Variants in AUTS2 observed in about 807,000 individuals in gnomAD.
AUTS2 encodes the protein activator of transcription and developmental regulator AUTS2.
In AUTS2, 17 loss-of-function variants were observed where a neutral mutation model predicts 112.4. The observed-to-expected ratio is 0.15, with a 90% CI of 0.10 to 0.23. The LOEUF is 0.23. Among genes scored for constraint, AUTS2 ranks in the 10% least tolerant of loss-of-function variants. AUTS2 has a pLI of 1.00. For missense variants in AUTS2, 1,510 were observed against 1,701.6 expected, an observed-to-expected ratio of 0.89 and a Z score of 1.98; for synonymous variants, 751 against 702.7, an observed-to-expected ratio of 1.07 and a Z score of -1.09.
intron 6 of AUTS2, among the ~76,000 whole-genome samples, chr7:70,737,047 G>A (rs560186978): frequency 5.9e-5 from 9 of 152,260 alleles, no homozygotes; most frequent in East Asian, 1.9e-4. Flanking sequence ...TGACTAAAAC[G>A]TTACTCATAA....
intron 2 of AUTS2, among the ~76,000 whole-genome samples, chr7:70,063,268 T>G (rs183386643): frequency 3.8e-4 from 58 of 152,116 alleles, no homozygotes; most frequent in Admixed American, 3.5e-3. Context: ...TTTGTTTTTT[T>G]TTTTTTCCTT....
At chr7:70,670,867 C>T (rs537118029) in intron 5 of AUTS2, among the ~76,000 whole-genome samples, 3 of 152,288 alleles carry the variant, frequency 2.0e-5, no homozygotes, top group African/African-American at 4.8e-5. Flanking sequence ...CCTGAAGGGG[C>T]CTTGGTAGGG....
chr7:70,549,312 T>C (rs1358873358), intron 5 of AUTS2, among the ~76,000 whole-genome samples: 2 of 152,204 alleles, frequency 1.3e-5, no homozygotes, highest in African/African-American at 4.8e-5. Context: ...CATCTTGGAA[T>C]AGAGACAGTT....
intron 5 of AUTS2, among the ~76,000 whole-genome samples, chr7:70,690,086 C>T (rs1428187442): frequency 6.6e-6 from 1 of 152,200 alleles, no homozygotes; most frequent in East Asian, 1.9e-4. Context: ...AGAGGTGTGG[C>T]TCCTGTTATC....
chr7:69,988,584 T>G (rs114676983), intron 2 of AUTS2, among the ~76,000 whole-genome samples: 54,386 of 151,706 alleles, frequency 0.36, 10,243 homozygotes, highest in African/African-American at 0.48. Context: ...TGCATTGCTT[T>G]TTTTTGTGGT....
chr7:70,296,381 A>G (rs1302530243), intron 4 of AUTS2, among the ~76,000 whole-genome samples: 1 of 152,224 alleles, frequency 6.6e-6, no homozygotes, highest in African/African-American at 2.4e-5. Flanking sequence ...ATCTGTTTTT[A>G]AAATTTGGAA....
intron 5 of AUTS2, among the ~76,000 whole-genome samples, chr7:70,525,708 G>A (rs192818986): frequency 6.6e-6 from 1 of 152,286 alleles, no homozygotes; most frequent in Non-Finnish European, 1.5e-5. Flanking sequence ...ACTGAGCATT[G>A]GAAAAGGGAT....
At chr7:70,235,346 C>T (rs890191464) in intron 4 of AUTS2, among the ~76,000 whole-genome samples, 3 of 151,914 alleles carry the variant, frequency 2.0e-5, no homozygotes, top group Admixed American at 6.6e-5. Context: ...CTATATTGCC[C>T]AGGCTGGTCT....
chr7:70,071,356 A>G (rs1562662421), intron 2 of AUTS2, among the ~76,000 whole-genome samples: 1 of 152,156 alleles, frequency 6.6e-6, no homozygotes, highest in Admixed American at 6.5e-5. Context: ...CTGCATCCCA[A>G]CAGACAGCAC....
At chr7:70,320,493 C>T (rs893257146) in intron 4 of AUTS2, among the ~76,000 whole-genome samples, 3 of 152,168 alleles carry the variant, frequency 2.0e-5, no homozygotes, top group African/African-American at 7.2e-5. Context: ...AAGCAGGCAG[C>T]TCATTTGAAG....
At chr7:70,071,729 A>G (rs1474268431) in intron 2 of AUTS2, among the ~76,000 whole-genome samples, 1 of 152,178 alleles carries the variant, frequency 6.6e-6, no homozygotes, top group African/African-American at 2.4e-5. Flanking sequence ...ATTCAGACAC[A>G]TTGCAATTCT....
chr7:70,035,654 A>T (rs1443095074), intron 2 of AUTS2, among the ~76,000 whole-genome samples: 3 of 152,200 alleles, frequency 2.0e-5, no homozygotes, highest in African/African-American at 7.2e-5. Flanking sequence ...ACCTTAGGTC[A>T]CTGGTGCGTG....
At chr7:70,087,299 AT>A (rs1029211339) in intron 2 of AUTS2, among the ~76,000 whole-genome samples, 1 of 151,008 alleles carries the variant, frequency 6.6e-6, no homozygotes, top group African/African-American at 2.4e-5. Context: ...AACATGATAT[AT>A]TTTTATAAAA....
chr7:69,644,655 A>T (rs1794945599), intron 1 of AUTS2, among the ~76,000 whole-genome samples: 1 of 152,176 alleles, frequency 6.6e-6, no homozygotes. Context: ...TGTAATATTA[A>T]CATATATCTA....
intron 4 of AUTS2, among the ~76,000 whole-genome samples, chr7:70,351,615 T>C (rs1338107286): frequency 6.6e-6 from 1 of 152,230 alleles, no homozygotes; most frequent in Admixed American, 6.5e-5. Context: ...ACAATAGCTA[T>C]ACCAACTTAC....
rs940226199 is a variant in AUTS2 at position 70,631,365 on chromosome 7, G to C, written c.691-67204G>C. ...GGCGACTGGCGGCGGGGAAGCATGTGCACATGCGTGTCTGCACTGCTGTGT... is the reference window on the plus strand; with the variant it reads ...GGCGACTGGCGGCGGGGAAGCATGTCCACATGCGTGTCTGCACTGCTGTGT... On this transcript the variant is annotated intron_variant, in intron 5 of 18. Coordinates refer to ENST00000342771, the MANE Select transcript of AUTS2 (RefSeq NM_015570.4). The surrounding 1 kb of genome is among the most constrained non-coding windows in gnomAD (Gnocchi z 4.5). Among the ~76,000 whole-genome samples the C allele has an allele frequency of 6.6e-6, 1 of 152,198 alleles. No individual in the cohort carries two copies. Among genetic ancestry groups the C allele is most frequent in the Non-Finnish European group, 1.5e-5 (1 of 68,028 alleles).
chr7:69,620,844 G>A (rs370607145), intron 1 of AUTS2, among the ~76,000 whole-genome samples: 5 of 152,248 alleles, frequency 3.3e-5, no homozygotes, highest in African/African-American at 1.2e-4. Context: ...CCTTGGGGAT[G>A]GTGTATGCAG....
chr7:70,192,549 G>A (rs1584860547), intron 4 of AUTS2, among the ~76,000 whole-genome samples: 1 of 152,230 alleles, frequency 6.6e-6, no homozygotes, highest in East Asian at 1.9e-4. Flanking sequence ...CTGAGAGGGG[G>A]CCAGAGCATG....
At chr7:70,422,657 A>G (rs1795271120) in intron 4 of AUTS2, among the ~76,000 whole-genome samples, 1 of 152,148 alleles carries the variant, frequency 6.6e-6, no homozygotes, top group Non-Finnish European at 1.5e-5. Flanking sequence ...GCATACCTAT[A>G]GTCCCACTTA....
Sources: gnomAD v4.1 joint callset for allele counts (sites outside exome capture counted in the v4.1 genomes callset) on GRCh38, gnomAD v4.1.1 for gene constraint, Gnocchi (gnomAD v3.1) non-coding constraint, MANE v1.5 for transcripts, NCBI Gene and HGNC (gene_info 2026-07-23, HGNC 2026-07-21) for gene names.